The following LRP2 variants were observed in gnomAD, a reference collection of about 807,000 sequenced individuals.
LRP2 encodes the protein low-density lipoprotein receptor-related protein 2.
LRP2 carries 172 observed loss-of-function variants against 531.0 expected under a neutral mutation model. The observed-to-expected ratio is 0.32, with a 90% CI of 0.29 to 0.37. LRP2 has a LOEUF of 0.37. Ranked by LOEUF, LRP2 falls within the 10% of genes least tolerant of loss-of-function variation. LRP2 has a pLI of 1.00. For missense variants in LRP2, 5,167 were observed against 5,868.3 expected, an observed-to-expected ratio of 0.88 and a Z score of 3.90; for synonymous variants, 1,992 against 2,027.6, an observed-to-expected ratio of 0.98 and a Z score of 0.47.
rs775612722 is a variant in LRP2 at position 169,233,516 on chromosome 2, C to G, written c.4993G>C (p.Val1665Leu). The G allele has an allele frequency of 6.2e-7, 1 of 1,614,100 alleles. No homozygotes were observed. The highest frequency in any genetic ancestry group is 1.7e-5 in the Admixed American group (1 of 60,022). Reference sequence around the variant, plus strand: ...CCATGCCACTTGTTGGCTCGCATAACCCGACGAGTAGCACGGTCAGTCCAG... The same window carrying G: ...CCATGCCACTTGTTGGCTCGCATAAGCCGACGAGTAGCACGGTCAGTCCAG... ...VYWTDRATRR[V>L]MRANKWHGGN... Residue 1665 changes from valine (V) to leucine (L), a missense_variant, in exon 30 of 79, where the codon GTT becomes CTT. Val to Leu is a conservative substitution (Grantham distance 32). This residue lies in a region of LRP2 where 2,811 missense variants were observed against 3,058.0 expected (regional missense o/e 0.92). Coordinates refer to ENST00000649046, the MANE Select transcript of LRP2 (RefSeq NM_004525.3).
At chr2:169,298,211 CAT>C (rs1684184114) in intron 4 of LRP2, among the ~76,000 whole-genome samples, 1 of 151,928 alleles carries the variant, frequency 6.6e-6, no homozygotes, top group African/African-American at 2.4e-5. Flanking sequence ...TCATCATCAT[CAT>C]CATCATCATC....
At position 169,129,070 on chromosome 2, in the gene LRP2, A is replaced by T. The variant is rs143569609; in HGVS notation, c.13743T>A (p.Asn4581Lys). ...TTTGTTTAGATTTTCGTTTGAAGAGATTCCATTTTGTCACCTAAATGAAAA... is the reference window on the plus strand; with the variant it reads ...TTTGTTTAGATTTTCGTTTGAAGAGTTTCCATTTTGTCACCTAAATGAAAA... ...AADGTQVTKW[N>K]LFKRKSKQTT... The change falls in exon 78 of 79, where the codon AAT (asparagine) becomes AAA (lysine). Residue 4581 changes from asparagine (N) to lysine (K), a missense_variant. This residue lies in a region of LRP2 where 348 missense variants were observed against 369.3 expected (regional missense o/e 0.94). Transcript: ENST00000649046. 38 of 1,609,628 alleles carry T rather than the reference A, an allele frequency of 2.4e-5. No individual in the cohort carries two copies. The highest frequency in any genetic ancestry group is 2.9e-5 in the Non-Finnish European group (34 of 1,176,054).
At chr2:169,178,091 AT>A in intron 52 of LRP2, 65 bp from the exon 53 acceptor site, 1 of 1,181,210 alleles carries the variant, frequency 8.5e-7, no homozygotes, top group South Asian at 1.3e-5. Flanking sequence ...GTCTTGCAGG[AT>A]AAAAGAATTC....
rs1285688413 is a variant in LRP2, at chr2:169,216,119, A to G, written c.5826+134T>C. On this transcript the variant is annotated intron_variant, in intron 35 of 78. Coordinates refer to ENST00000649046, the MANE Select transcript of LRP2 (RefSeq NM_004525.3). ...CGTGCAAGGGAGAGAAGTTATTGGG[A>G]GAAGGGGCAATGAAACACTGGTACA... The G allele has an allele frequency of 4.4e-6, 4 of 912,714 alleles. No homozygotes were observed. In the East Asian group the frequency reaches 7.6e-5, roughly 17 times the overall value. 56.5% of individuals were successfully genotyped at this position (912,714 alleles called of 1,614,324 possible).
intron 8 of LRP2, 119 bp from the exon 9 acceptor site, chr2:169,289,264 A>T: frequency 7.7e-7 from 1 of 1,301,258 alleles, no homozygotes; most frequent in Non-Finnish European, 1.1e-6. Context: ...TGTACAGAAA[A>T]ATCTGTCACC....
chr2:169,227,645 G>A (rs958932568), intron 31 of LRP2, among the ~76,000 whole-genome samples: 5 of 151,810 alleles, frequency 3.3e-5, no homozygotes, highest in African/African-American at 1.2e-4. Flanking sequence ...TTTATAATCC[G>A]GGAAGCTTTC....
intron 61 of LRP2, among the ~76,000 whole-genome samples, chr2:169,166,280 G>A (rs1349077985): frequency 6.6e-6 from 1 of 152,172 alleles, no homozygotes; most frequent in African/African-American, 2.4e-5. Flanking sequence ...TTGTCCTCAT[G>A]GAACTTTCAT....
At chr2:169,195,585 A>G (rs1249533808) in intron 46 of LRP2, among the ~76,000 whole-genome samples, 1 of 152,188 alleles carries the variant, frequency 6.6e-6, no homozygotes, top group African/African-American at 2.4e-5. Flanking sequence ...ATATCAGGTC[A>G]TTGGTACTCA....
chr2:169,186,240 G>A (rs113269369), intron 49 of LRP2, among the ~76,000 whole-genome samples: 26 of 152,250 alleles, frequency 1.7e-4, no homozygotes, highest in African/African-American at 2.4e-4. Flanking sequence ...ACTAATACAG[G>A]AGAAATGAGA....
chr2:169,209,754 C>CGGTTTACTTTTTAAATAATTT, intron 37 of LRP2, 113 bp from the exon 38 acceptor site: 1 of 1,025,552 alleles, frequency 9.8e-7, no homozygotes. Flanking sequence ...AGCATCTCCC[C>CGGTTTACTTTTTAAATAATTT]ATTACAAAAT....
Position 169,280,451 on chromosome 2 carries a change from A to G in LRP2, c.1240T>C (p.Phe414Leu), listed in dbSNP as rs750836745. ...LLIGDIHGRS[F>L]RILVESQNRG... ...TTCTGAGACTCCACTAGGATCCGGA[A>G]GCTCCTTCCATGAATATCACCAATT... Residue 414 changes from phenylalanine to leucine, a missense_variant, in exon 11 of 79, where the codon TTC becomes CTC. Physicochemically the swap from Phe to Leu is conservative, Grantham distance 22. Transcript: ENST00000649046. 4.3e-6 allele frequency: 7 copies of G among 1,614,208 alleles called. No homozygotes were observed. The South Asian group carries it at 7.7e-5, about 18-fold the overall frequency.
intron 61 of LRP2, among the ~76,000 whole-genome samples, chr2:169,166,349 C>A (rs1204247154): frequency 6.6e-6 from 1 of 152,140 alleles, no homozygotes; most frequent in Non-Finnish European, 1.5e-5. Context: ...GAAACATCTA[C>A]TGGGGTGATC....
At chr2:169,296,218 G>A (rs921215711) in intron 4 of LRP2, among the ~76,000 whole-genome samples, 12 of 152,112 alleles carry the variant, frequency 7.9e-5, no homozygotes, top group Non-Finnish European at 1.5e-4. Context: ...AGTTTATTAA[G>A]TGTCCTTAAA....
rs17848184 is a variant in LRP2, at chr2:169,175,314, C to T, written c.10647G>A (p.Pro3549=). ...ACTGTCCCAGTCGGCAGAAGCGCTG[C>T]GGGCAAAGGGCCAGTTCATCAGAGC... The part of the protein sequence containing the change: ...SDGSDELALC[P]QRFCRLGQFQ... Residue 3549 remains proline (P), a synonymous_variant, in exon 55 of 79, where the codon CCG becomes CCA. Coordinates refer to ENST00000649046, the MANE Select transcript of LRP2 (RefSeq NM_004525.3). The T allele has an allele frequency of 2.5e-3, 4,098 of 1,614,154 alleles. 154 individuals carry two copies. The East Asian group carries it at 0.076, about 30-fold the overall frequency.
chr2:169,140,615 G>A (rs762793934), intron 71 of LRP2, 70 bp from the exon 72 acceptor site: 25 of 1,232,284 alleles, frequency 2.0e-5, no homozygotes, highest in Middle Eastern at 2.2e-4. Context: ...CATGCAAACC[G>A]GCCCAGGTTA....
intron 74 of LRP2, 123 bp from the exon 75 acceptor site, chr2:169,138,829 C>T (rs1265783191): frequency 9.1e-7 from 1 of 1,095,688 alleles, no homozygotes; most frequent in East Asian, 2.5e-5. Context: ...AAATGTAATG[C>T]TCAATTCCCA....
chr2:169,300,538 T>C (rs949275124), intron 4 of LRP2, among the ~76,000 whole-genome samples: 1 of 152,104 alleles, frequency 6.6e-6, no homozygotes, highest in Non-Finnish European at 1.5e-5. Flanking sequence ...ACGTTAATGC[T>C]AGGAAACTCT....
intron 1 of LRP2, among the ~76,000 whole-genome samples, chr2:169,328,791 C>G (rs1381256023): frequency 4.6e-5 from 7 of 152,204 alleles, no homozygotes; most frequent in African/African-American, 1.7e-4. Context: ...AGCCCCAGGA[C>G]CTGTGTGACT....
At position 169,185,992 on chromosome 2, in the gene LRP2, A is replaced by G; in HGVS notation, c.9356T>C (p.Ile3119Thr). ...TGTGCAGTTGTGATCGCAGCCACTG[A>G]TTGAAGGGTCATGGCATTCATTAAT... ...CGINECHDPSISGCDHNCTDT... is the reference protein window; with the variant it reads ...CGINECHDPSTSGCDHNCTDT... The change falls in exon 50 of 79, where the codon ATC (isoleucine) becomes ACC (threonine). Residue 3119 changes from isoleucine to threonine, a missense_variant. Transcript: ENST00000649046. 6.2e-7 allele frequency: 1 copy of G among 1,613,830 alleles called. No individual in the cohort carries two copies. Among genetic ancestry groups the G allele is most frequent in the Non-Finnish European group, 8.5e-7 (1 of 1,179,914 alleles).
Sources: gnomAD v4.1 joint callset for allele counts (sites outside exome capture counted in the v4.1 genomes callset) on GRCh38, gnomAD v4.1.1 for gene constraint, gnomAD v4.1.1 regional missense constraint, MANE v1.5 for transcripts, NCBI Gene and HGNC (gene_info 2026-07-23, HGNC 2026-07-21) for gene names.